The following NUP107 variants were observed in gnomAD, a reference collection of about 807,000 sequenced individuals.
The protein encoded by NUP107 is nuclear pore complex protein Nup107.
NUP107 carries 101 observed loss-of-function variants against 141.0 expected under a neutral mutation model. That is an observed-to-expected ratio of 0.72 (90% CI 0.61 to 0.84). The LOEUF (loss-of-function observed/expected upper bound fraction) is 0.84. NUP107 is among the 40% of genes least tolerant of loss of function. The pLI is 0.00. For synonymous variants in NUP107, 319 were observed against 363.9 expected (o/e 0.88, Z 1.41); for missense variants, 941 against 1,102.7 (o/e 0.85, Z 2.08).
chr12:68,713,225 G>T (rs1363519419), intron 10 of NUP107, among the ~76,000 whole-genome samples: 2 of 151,740 alleles, frequency 1.3e-5, no homozygotes, highest in East Asian at 3.9e-4. Flanking sequence ...ATATTAAAAT[G>T]TTAGCAGGGC....
chr12:68,705,737 C>A (rs1406785990), intron 8 of NUP107: 13 of 688,412 alleles, frequency 1.9e-5, no homozygotes, highest in Admixed American at 3.9e-5. Flanking sequence ...TGCATCAGCT[C>A]CTCGAGCTTC....
At chr12:68,726,084 C>T (rs891871935) in intron 18 of NUP107, among the ~76,000 whole-genome samples, 7 of 152,018 alleles carry the variant, frequency 4.6e-5, no homozygotes, top group Admixed American at 1.3e-4. Context: ...ATCTTCCCTC[C>T]CTGGCCTCCC....
At chr12:68,716,065 G>GTT (rs576940942) in intron 12 of NUP107, among the ~76,000 whole-genome samples, 1 of 144,508 alleles carries the variant, frequency 6.9e-6, no homozygotes. Context: ...TTTTGTTTTT[G>GTT]TTTTTTTTTT....
chr12:68,726,146 A>T (rs1409070213), intron 18 of NUP107, among the ~76,000 whole-genome samples: 1 of 152,138 alleles, frequency 6.6e-6, no homozygotes, highest in Non-Finnish European at 1.5e-5. Flanking sequence ...GACTGCACCC[A>T]GCCAGTTTTA....
chr12:68,726,362 A>G, intron 18 of NUP107, 137 bp from the exon 19 acceptor site: 1 of 613,032 alleles, frequency 1.6e-6, no homozygotes, highest in Non-Finnish European at 2.9e-6. Flanking sequence ...AAGAGGGTGT[A>G]GAGTTATATC....
intron 1 of NUP107, chr12:68,687,464 C>T (rs1187078779): frequency 9.5e-7 from 1 of 1,056,070 alleles, no homozygotes; most frequent in Non-Finnish European, 1.1e-6. Context: ...CAAGTGCCAG[C>T]ATCAGATTCT....
Position 68,715,754 on chromosome 12 carries a change from AC to A in NUP107, c.1083+17del. The A allele has an allele frequency of 6.8e-7, 1 of 1,481,008 alleles. No homozygotes were observed. The highest frequency in any genetic ancestry group is 9.4e-7 in the Non-Finnish European group (1 of 1,064,116). 91.7% of individuals were successfully genotyped at this position (1,481,008 alleles called of 1,614,324 possible). On this transcript the variant is annotated intron_variant, in intron 12 of 27. Transcript: ENST00000229179. ...ATGACAGAAGAGGTCAGTCATGTATACCCTTCTTGTCTAATTTCAAAAAGTC... is the reference window on the plus strand; with the variant it reads ...ATGACAGAAGAGGTCAGTCATGTATACCTTCTTGTCTAATTTCAAAAAGTC...
At chr12:68,718,394 C>T (rs969902271) in intron 12 of NUP107, among the ~76,000 whole-genome samples, 6 of 152,136 alleles carry the variant, frequency 3.9e-5, no homozygotes, top group Non-Finnish European at 2.9e-5. Flanking sequence ...ATGTATTTAC[C>T]TTACTGGTAT....
intron 26 of NUP107, among the ~76,000 whole-genome samples, chr12:68,737,992 A>C (rs1878149054): frequency 6.6e-6 from 1 of 151,840 alleles, no homozygotes; most frequent in Non-Finnish European, 1.5e-5. Flanking sequence ...AAATACAAAA[A>C]ATTGGCCGGG....
At chr12:68,706,490 A>G in intron 8 of NUP107, 1 of 697,858 alleles carries the variant, frequency 1.4e-6, no homozygotes. Flanking sequence ...ATCAAATATG[A>G]GGAGCTGCAG....
intron 8 of NUP107, chr12:68,706,447 C>G (rs1456830029): frequency 4.0e-6 from 3 of 752,344 alleles, no homozygotes; most frequent in Non-Finnish European, 7.2e-6. Context: ...AGGAGATCGC[C>G]AACCACAACC....
intron 5 of NUP107, among the ~76,000 whole-genome samples, chr12:68,693,085 A>ATTTTTTTT (rs912996097): frequency 7.6e-6 from 1 of 132,060 alleles, no homozygotes; most frequent in African/African-American, 2.8e-5. Context: ...TTATTTATTT[A>ATTTTTTTT]TTTTTTTTTT....
At chr12:68,706,912 C>T (rs1876610735) in intron 8 of NUP107, 1 of 725,252 alleles carries the variant, frequency 1.4e-6, no homozygotes, top group African/African-American at 1.7e-5. Flanking sequence ...ATGGGGGCCT[C>T]ATAAGCCCTG....
In NUP107 at chr12:68,716,343, G is replaced by A. The variant is rs575231813; in HGVS notation, c.1083+603G>A. On this transcript the variant is annotated intron_variant, in intron 12 of 27. Transcript: ENST00000229179. ...TCCTTACCTCCCGGGCTCAAGCCCTGCCTCAGCCTCCTGAGTAACTGGGAC... is the reference window on the plus strand; with the variant it reads ...TCCTTACCTCCCGGGCTCAAGCCCTACCTCAGCCTCCTGAGTAACTGGGAC... Among the ~76,000 whole-genome samples, 5 of 148,886 alleles carry A rather than the reference G, an allele frequency of 3.4e-5. No homozygotes were observed. The South Asian group carries it at 1.1e-3, about 32-fold the overall frequency.
chr12:68,710,257 A>G (rs1308303561), intron 10 of NUP107, among the ~76,000 whole-genome samples, 164 bp downstream of exon 10: 7 of 152,238 alleles, frequency 4.6e-5, no homozygotes, highest in Non-Finnish European at 1.0e-4. Flanking sequence ...TATGGAATTT[A>G]TAATTGTTTA....
chr12:68,714,295 G>GA (rs1254167851), intron 11 of NUP107: 1 of 152,056 alleles, frequency 6.6e-6, no homozygotes, highest in African/African-American at 2.4e-5. Context: ...AGTAACAATT[G>GA]AAAAAAACTT....
At position 68,696,823 on chromosome 12, in the gene NUP107, C is replaced by A; in HGVS notation, c.453C>A (p.Ser151=). 3 of 1,567,664 alleles carry A rather than the reference C, an allele frequency of 1.9e-6. No individual in the cohort carries two copies. Among genetic ancestry groups the A allele is most frequent in the South Asian group, 1.1e-5 (1 of 88,196 alleles). Residue 151 remains serine, a synonymous_variant, in exon 6 of 28, where the codon TCC becomes TCA. Transcript: ENST00000229179. ...TTTTTTTTTGATGTGTTCTAGCATCCATGAGTATGTTTTCTGATTTCCTGC... is the reference window on the plus strand; with the variant it reads ...TTTTTTTTTGATGTGTTCTAGCATCAATGAGTATGTTTTCTGATTTCCTGC... The part of the protein sequence containing the change: ...LREDDPGEAA[S]MSMFSDFLQS...
chr12:68,710,878 T>C (rs1876820370), intron 10 of NUP107, among the ~76,000 whole-genome samples: 1 of 152,132 alleles, frequency 6.6e-6, no homozygotes, highest in Non-Finnish European at 1.5e-5. Context: ...TGAGCACCCT[T>C]GGATTTTGGT....
intron 11 of NUP107, among the ~76,000 whole-genome samples, chr12:68,715,238 G>A (rs1384697314): frequency 6.6e-6 from 1 of 152,200 alleles, no homozygotes; most frequent in Non-Finnish European, 1.5e-5. Context: ...GTTCACGCCT[G>A]TAATCCCAGC....
Sources: gnomAD v4.1 joint callset for allele counts (sites outside exome capture counted in the v4.1 genomes callset) on GRCh38, gnomAD v4.1.1 for gene constraint, MANE v1.5 for transcripts, NCBI Gene and HGNC (gene_info 2026-07-23, HGNC 2026-07-21) for gene names.